The following NEGR1 variants were observed in gnomAD, a reference collection of about 807,000 sequenced individuals.
NEGR1 encodes the protein neuronal growth regulator 1.
NEGR1 carries 10 observed loss-of-function variants against 40.9 expected under a neutral mutation model. That is an observed-to-expected ratio of 0.24 (90% CI 0.15 to 0.42). The LOEUF is 0.42. Ranked by LOEUF, NEGR1 falls within the 10% of genes least tolerant of loss-of-function variation. NEGR1 has a pLI of 1.00. For synonymous variants in NEGR1, 185 were observed against 166.8 expected, an observed-to-expected ratio of 1.11 and a Z score of -0.84; for missense variants, 352 against 438.9, an observed-to-expected ratio of 0.80 and a Z score of 1.77.
chr1:71,624,953 T>C (rs776745037), intron 4 of NEGR1, among the ~76,000 whole-genome samples: 4 of 151,958 alleles, frequency 2.6e-5, no homozygotes, highest in African/African-American at 9.7e-5. Flanking sequence ...TGTTGTTCAA[T>C]GATGTATTCC....
chr1:72,154,492 T>C (rs1201776234), intron 1 of NEGR1, among the ~76,000 whole-genome samples: 1 of 151,916 alleles, frequency 6.6e-6, no homozygotes, highest in African/African-American at 2.4e-5. Context: ...AGCAAAAGCA[T>C]TAAAAAAATC....
intron 2 of NEGR1, among the ~76,000 whole-genome samples, chr1:71,858,933 A>T (rs1331049871): frequency 6.6e-6 from 1 of 151,954 alleles, no homozygotes; most frequent in Non-Finnish European, 1.5e-5. Flanking sequence ...CCAAGTCCCC[A>T]TTATCTCATG....
At chr1:71,842,168 T>C (rs1401370018) in intron 2 of NEGR1, among the ~76,000 whole-genome samples, 1 of 152,162 alleles carries the variant, frequency 6.6e-6, no homozygotes, top group East Asian at 1.9e-4. Context: ...TTATTTCCTT[T>C]TCATGCTGCT....
chr1:71,510,526 C>T (rs7545490), intron 6 of NEGR1, among the ~76,000 whole-genome samples: 2,930 of 152,094 alleles, frequency 0.019, 84 homozygotes, highest in African/African-American at 0.067. Context: ...TCACGATAAG[C>T]GAACAGAATG....
At chr1:71,552,156 A>G (rs961911940) in intron 6 of NEGR1, among the ~76,000 whole-genome samples, 4 of 151,408 alleles carry the variant, frequency 2.6e-5, no homozygotes, top group African/African-American at 9.7e-5. Context: ...ATCTGATCCA[A>G]TACCTAATTG....
intron 6 of NEGR1, among the ~76,000 whole-genome samples, chr1:71,543,095 C>T (rs758833129): frequency 2.4e-4 from 37 of 151,694 alleles, no homozygotes; most frequent in Non-Finnish European, 4.3e-4. Context: ...AAGCCAGGAA[C>T]TGTTTTACTA....
intron 2 of NEGR1, among the ~76,000 whole-genome samples, chr1:71,846,407 A>T (rs1659415312): frequency 7.5e-6 from 1 of 133,194 alleles, no homozygotes. Context: ...ACACACAAAC[A>T]CACACACAAA....
chr1:71,667,419 T>C (rs1652279960), intron 4 of NEGR1, among the ~76,000 whole-genome samples: 2 of 152,132 alleles, frequency 1.3e-5, no homozygotes, highest in Non-Finnish European at 2.9e-5. Flanking sequence ...TCTAGAAATA[T>C]GACACCAGAT....
chr1:71,983,968 C>T (rs1222764553), intron 1 of NEGR1, among the ~76,000 whole-genome samples: 1 of 148,110 alleles, frequency 6.8e-6, no homozygotes, highest in African/African-American at 2.4e-5. Context: ...AATCAGAATG[C>T]TAAAGGAGTC....
intron 2 of NEGR1, among the ~76,000 whole-genome samples, chr1:71,800,349 T>C (rs1657510575): frequency 6.6e-6 from 1 of 152,202 alleles, no homozygotes; most frequent in South Asian, 2.1e-4. Context: ...CTCTTTAGTT[T>C]AATTAGCTCC....
chr1:71,600,903 C>T (rs564681162), intron 5 of NEGR1, among the ~76,000 whole-genome samples: 2 of 152,248 alleles, frequency 1.3e-5, no homozygotes, highest in African/African-American at 4.8e-5. Context: ...AGTACTAACC[C>T]CTTGATTCTA....
intron 6 of NEGR1, among the ~76,000 whole-genome samples, chr1:71,589,448 A>G (rs1649425399): frequency 6.6e-6 from 1 of 152,130 alleles, no homozygotes; most frequent in Non-Finnish European, 1.5e-5. Flanking sequence ...CTTTAAATCT[A>G]TGTCTCCATT....
chr1:72,194,229 T>A (rs1410946836), intron 1 of NEGR1, among the ~76,000 whole-genome samples: 1 of 151,876 alleles, frequency 6.6e-6, no homozygotes, highest in Non-Finnish European at 1.5e-5. Context: ...ATATATATTA[T>A]ATAATATCTC....
intron 3 of NEGR1, among the ~76,000 whole-genome samples, chr1:71,731,530 A>G (rs756945553): frequency 2.0e-5 from 3 of 152,258 alleles, no homozygotes; most frequent in Non-Finnish European, 4.4e-5. Flanking sequence ...AGAGATAATT[A>G]TTTTGGTTAA....
chr1:72,090,900 T>C (rs1270310447), intron 1 of NEGR1, among the ~76,000 whole-genome samples: 8 of 152,194 alleles, frequency 5.3e-5, no homozygotes, highest in Admixed American at 6.5e-5. Context: ...TGATATTCCA[T>C]AAAATACCAT....
intron 4 of NEGR1, among the ~76,000 whole-genome samples, chr1:71,682,699 T>C (rs1652878718): frequency 1.3e-5 from 2 of 152,192 alleles, no homozygotes; most frequent in African/African-American, 4.8e-5. Flanking sequence ...AAATCTCACA[T>C]TGATATTTAA....
chr1:71,673,820 A>G (rs1249983516), intron 4 of NEGR1, among the ~76,000 whole-genome samples: 1 of 151,904 alleles, frequency 6.6e-6, no homozygotes, highest in Non-Finnish European at 1.5e-5. Flanking sequence ...ACTAACGAAT[A>G]AATATTTGTC....
chr1:71,550,957 A>G (rs961579445), intron 6 of NEGR1, among the ~76,000 whole-genome samples: 1 of 151,600 alleles, frequency 6.6e-6, no homozygotes, highest in Non-Finnish European at 1.5e-5. Flanking sequence ...GAACATCTAC[A>G]TCATGGGCAT....
intron 6 of NEGR1, among the ~76,000 whole-genome samples, chr1:71,432,514 C>T (rs1157410140): frequency 6.6e-6 from 1 of 152,038 alleles, no homozygotes; most frequent in African/African-American, 2.4e-5. Context: ...CTAGAAGGGA[C>T]TTTTCGCTTA....
Sources: allele counts gnomAD v4.1 joint callset (sites outside exome capture counted in the v4.1 genomes callset), GRCh38; gene constraint gnomAD v4.1.1; transcripts MANE v1.5; gene names NCBI Gene and HGNC (gene_info 2026-07-23, HGNC 2026-07-21).